The following TNRC6B variants were observed in gnomAD, a reference collection of about 807,000 sequenced individuals.
TNRC6B encodes trinucleotide repeat containing adaptor 6B.
Under a neutral mutation model 203.6 loss-of-function variants are expected in TNRC6B, and 52 were observed. That is an observed-to-expected ratio of 0.26 (90% CI 0.20 to 0.32). The LOEUF is 0.32. TNRC6B is among the 10% of genes least tolerant of loss of function. The pLI is 1.00. For missense variants in TNRC6B, 1,923 were observed against 2,286.2 expected (o/e 0.84, Z 3.24); for synonymous variants, 838 against 845.7 (o/e 0.99, Z 0.16).
intron 1 of TNRC6B, among the ~76,000 whole-genome samples, chr22:40,223,088 G>A (rs1026110452): frequency 8.6e-5 from 13 of 151,164 alleles, no homozygotes; most frequent in African/African-American, 3.2e-4. Context: ...AGTTTAAAAA[G>A]GTATATAGTT....
Position 40,315,419 on chromosome 22 carries a change from G to A in TNRC6B, c.4815G>A (p.Leu1605=). The stretch of plus-strand genomic sequence containing the variant: ...CGCTGCCCCGCCCACCTCCTGGTCT[G>A]ACCAACCCCAAACCATCATCTCCCT... ...TTPLPRPPPG[L]TNPKPSSPWS... is the part of the protein sequence containing the mutation. Residue 1605 remains leucine, a synonymous_variant, in exon 20 of 23, where the codon CTG becomes CTA. Transcript: ENST00000454349. The A allele has an allele frequency of 6.2e-7, 1 of 1,613,922 alleles. No individual in the cohort carries two copies. Among genetic ancestry groups the A allele is most frequent in the Non-Finnish European group, 8.5e-7 (1 of 1,179,868 alleles).
intron 1 of TNRC6B, among the ~76,000 whole-genome samples, chr22:40,072,004 T>C (rs6001743): frequency 0.31 from 47,711 of 152,016 alleles, 9,669 homozygotes; most frequent in African/African-American, 0.58. Flanking sequence ...CAGGCATACA[T>C]CACTACGCCT....
In TNRC6B at chr22:40,072,796, G is replaced by A. The variant is rs564282986; in HGVS notation, c.-121+27798G>A. ...GGGGAATCACTTGAACCTGGGAGGC[G>A]GAGGTTGCAGTGAGCCAAGATTGTG... is the stretch of plus-strand genomic sequence containing the variant. On this transcript the variant is annotated intron_variant, in intron 1 of 23. Coordinates refer to the TNRC6B transcript ENST00000301923. Among the ~76,000 whole-genome samples, 26 of 150,750 alleles carry A rather than the reference G, an allele frequency of 1.7e-4. 1 individual carries two copies. The South Asian group carries it at 5.3e-3, about 30-fold the overall frequency.
chr22:40,317,831 T>C (rs1352778911), intron 21 of TNRC6B, among the ~76,000 whole-genome samples: 1 of 152,232 alleles, frequency 6.6e-6, no homozygotes, highest in East Asian at 1.9e-4. Flanking sequence ...CATCACAACC[T>C]TTACAACACC....
intron 3 of TNRC6B, among the ~76,000 whole-genome samples, chr22:40,142,683 C>G (rs2068655053): frequency 6.6e-6 from 1 of 151,996 alleles, no homozygotes; most frequent in Admixed American, 6.6e-5. Context: ...TTAAAATAAG[C>G]AAGAAGTGTT....
chr22:40,173,805 T>A (rs1176801471), upstream of TNRC6B, among the ~76,000 whole-genome samples: 8 of 91,162 alleles, frequency 8.8e-5, no homozygotes, highest in East Asian at 6.9e-4. Context: ...TTTTTTTTTT[T>A]TTTTTTTTTT....
intron 1 of TNRC6B, among the ~76,000 whole-genome samples, chr22:40,104,189 T>C (rs1473641235): frequency 6.6e-6 from 1 of 151,972 alleles, no homozygotes; most frequent in African/African-American, 2.4e-5. Flanking sequence ...AGGTGGAGGC[T>C]GCAGTGAGCG....
chr22:40,161,326 A>G (rs1370914384), intron 4 of TNRC6B, among the ~76,000 whole-genome samples: 4 of 152,306 alleles, frequency 2.6e-5, no homozygotes, highest in Non-Finnish European at 4.4e-5. Flanking sequence ...GTTCTCATTC[A>G]TTGGTATTAG....
intron 3 of TNRC6B, among the ~76,000 whole-genome samples, chr22:40,146,119 G>A (rs1013658466): frequency 4.6e-5 from 7 of 152,314 alleles, no homozygotes; most frequent in South Asian, 2.1e-4. Flanking sequence ...AGGGAAAGTC[G>A]GCACATCCTG....
chr22:40,100,066 TATTA>T (rs1274249002), intron 1 of TNRC6B, among the ~76,000 whole-genome samples: 91 of 81,418 alleles, frequency 1.1e-3, no homozygotes, highest in African/African-American at 4.1e-3. Flanking sequence ...ATTTTATTTT[TATTA>T]TTTATTTATT....
intron 1 of TNRC6B, among the ~76,000 whole-genome samples, chr22:40,045,798 C>G (rs1290608352): frequency 2.0e-5 from 3 of 152,190 alleles, no homozygotes; most frequent in Non-Finnish European, 4.4e-5. Flanking sequence ...TTAAAGACGT[C>G]CAGTAACGGT....
At chr22:40,148,277 C>G in intron 3 of TNRC6B, among the ~76,000 whole-genome samples, 1 of 149,402 alleles carries the variant, frequency 6.7e-6, no homozygotes, top group South Asian at 2.1e-4. Context: ...CGTTGGAAAA[C>G]AGTTTCTTTT....
rs2044002031 is a variant in TNRC6B, at chr22:40,333,353, CAA to C, written c.*10115_*10116del. 1.3e-5 allele frequency: 2 copies of C among 152,514 alleles called. No homozygotes were observed. The highest frequency in any genetic ancestry group is 4.8e-5 in the African/African-American group (2 of 41,406). 9.4% of individuals were successfully genotyped at this position (152,514 alleles called of 1,614,324 possible). A position where few individuals can be genotyped will look rare whatever the true frequency, so the allele number is the denominator to read the frequency against. The stretch of plus-strand genomic sequence containing the variant: ...CTTCGACTCAAAAACATAAAATAAA[CAA>C]AAGACACACACACACACAAAAACCC... On this transcript the variant is annotated 3_prime_UTR_variant, in exon 23 of 23. Transcript: ENST00000454349.
chr22:40,183,879 T>A (rs1283184728), intron 1 of TNRC6B, among the ~76,000 whole-genome samples: 2 of 152,120 alleles, frequency 1.3e-5, no homozygotes, highest in Non-Finnish European at 2.9e-5. Context: ...TATATTTTAG[T>A]AGATACAGTG....
chr22:40,058,938 C>T (rs186670894), intron 1 of TNRC6B, among the ~76,000 whole-genome samples: 1 of 152,236 alleles, frequency 6.6e-6, no homozygotes, highest in Non-Finnish European at 1.5e-5. Flanking sequence ...TTTCTAGTTT[C>T]TCCCCAGAAA....
At chr22:40,189,893 A>G (rs997530999) in intron 1 of TNRC6B, among the ~76,000 whole-genome samples, 3 of 152,152 alleles carry the variant, frequency 2.0e-5, no homozygotes, top group African/African-American at 7.2e-5. Flanking sequence ...TGTTACCATC[A>G]TTTCAAAGAA....
chr22:40,193,675 G>A (rs2069301274), intron 1 of TNRC6B, among the ~76,000 whole-genome samples: 1 of 152,164 alleles, frequency 6.6e-6, no homozygotes, highest in Non-Finnish European at 1.5e-5. Flanking sequence ...GAGATTTGCT[G>A]CCTAGAAGAC....
intron 15 of TNRC6B, among the ~76,000 whole-genome samples, chr22:40,305,838 TTCTTTC>T (rs1008671446): frequency 5.9e-5 from 9 of 152,168 alleles, no homozygotes; most frequent in African/African-American, 1.7e-4. Context: ...TGCTTACTTT[TTCTTTC>T]TCTTTCTCTT....
intron 1 of TNRC6B, among the ~76,000 whole-genome samples, chr22:40,102,254 A>G (rs969510663): frequency 2.6e-5 from 4 of 152,214 alleles, no homozygotes; most frequent in Non-Finnish European, 5.9e-5. Context: ...CATGTTTGCA[A>G]TTATAAATGC....
Sources: gnomAD v4.1 joint callset for allele counts (sites outside exome capture counted in the v4.1 genomes callset) on GRCh38, gnomAD v4.1.1 for gene constraint, MANE v1.5 for transcripts, NCBI Gene and HGNC (gene_info 2026-07-23, HGNC 2026-07-21) for gene names.